Variants in SYNE3 observed in about 807,000 individuals in gnomAD.
SYNE3 encodes spectrin repeat containing nuclear envelope family member 3.
SYNE3 carries 100 observed loss-of-function variants against 111.2 expected under a neutral mutation model. The observed-to-expected ratio is 0.90, with a 90% confidence interval of 0.77 to 1.06. The LOEUF (loss-of-function observed/expected upper bound fraction) is 1.06, where lower values mean the gene tolerates loss of function less well. SYNE3 is among the 50% of genes least tolerant of loss of function. The pLI, the probability that SYNE3 is intolerant of heterozygous loss-of-function variation, is 0.00. For synonymous variants in SYNE3, 547 were observed against 533.9 expected (o/e 1.02, Z -0.34); for missense variants, 1,160 against 1,240.3 (o/e 0.94, Z 0.97).
chr14:95,468,644 C>T (rs1888340556), intron 2 of SYNE3, among the ~76,000 whole-genome samples: 1 of 152,202 alleles, frequency 6.6e-6, no homozygotes, highest in African/African-American at 2.4e-5. Flanking sequence ...CCTGACCCTG[C>T]TCCTTCCTCC....
intron 1 of SYNE3, among the ~76,000 whole-genome samples, chr14:95,477,882 G>A (rs1268123938): frequency 6.6e-6 from 1 of 152,206 alleles, no homozygotes; most frequent in Admixed American, 6.5e-5. Context: ...TGTGTGACTT[G>A]AATGGCTTCC....
chr14:95,482,731 C>T (rs1002844365), intron 1 of SYNE3, among the ~76,000 whole-genome samples: 4 of 152,084 alleles, frequency 2.6e-5, no homozygotes, highest in Non-Finnish European at 2.9e-5. Flanking sequence ...CAGTAAAAGC[C>T]GACATTTACC....
In SYNE3 at chr14:95,457,348, G is replaced by A. The variant is rs1887529216; in HGVS notation, c.628-10C>T. 1.2e-6 allele frequency: 2 copies of A among 1,612,262 alleles called. No homozygotes were observed. Among genetic ancestry groups the A allele is most frequent in the African/African-American group, 1.3e-5 (1 of 75,012 alleles). ...GCAGATCTACACGCTTCTGTGGGAGGAGGAGAATCACCAGCCATGAGGGTC... is the reference window on the plus strand; with the variant it reads ...GCAGATCTACACGCTTCTGTGGGAGAAGGAGAATCACCAGCCATGAGGGTC... On this transcript the variant is annotated splice_polypyrimidine_tract_variant and intron_variant, in intron 4 of 17. Coordinates refer to ENST00000682763, the MANE Select transcript of SYNE3 (RefSeq NM_152592.6).
rs113132378 is a variant in SYNE3 at position 95,449,641 on chromosome 14, A to T, written c.1449+290T>A. ...GCTGCAGTAAAGGCAATGGCCTGAG[A>T]ACGCTGCTCTCTCAGGAGTGCTAAT... On this transcript the variant is annotated intron_variant, in intron 8 of 17. Transcript: ENST00000682763. 2.4e-4 allele frequency: 238 copies of T among 985,412 alleles called. 3 individuals carry two copies. The African/African-American group carries it at 3.9e-3, about 16-fold the overall frequency. The allele number at this position is 985,412 out of a possible 1,614,324, so 61.0% of individuals were successfully genotyped here. A position where few individuals can be genotyped will look rare whatever the true frequency, so the allele number is the denominator to read the frequency against.
At chr14:95,442,206 T>C (rs528855549) in intron 11 of SYNE3, among the ~76,000 whole-genome samples, 1 of 152,322 alleles carries the variant, frequency 6.6e-6, no homozygotes, top group South Asian at 2.1e-4. Flanking sequence ...GAGGCCGTGA[T>C]GGTTGTGCCA....
At chr14:95,452,149 T>C in intron 7 of SYNE3, 98 bp downstream of exon 7, 1 of 1,373,294 alleles carries the variant, frequency 7.3e-7, no homozygotes, top group Non-Finnish European at 9.8e-7. Context: ...ATTTAGAAGT[T>C]ACTATGTTGT....
Position 95,465,962 on chromosome 14 carries a change from G to A in SYNE3, c.596C>T (p.Ala199Val). Residue 199 changes from alanine to valine, a missense_variant, in exon 4 of 18, where the codon GCT becomes GTT. Coordinates refer to ENST00000682763, the MANE Select transcript of SYNE3 (RefSeq NM_152592.6). The stretch of plus-strand genomic sequence containing the variant: ...CTTGGCCTTCACTGCATCGTACTCA[G>A]CCTTCATTCTCTTCTGGGCATCTTC... Reference protein sequence around the residue: ...VDEDAQKRMKAEYDAVKAKAQ... With the variant: ...VDEDAQKRMKVEYDAVKAKAQ... 2.5e-6 allele frequency: 4 copies of A among 1,595,350 alleles called. No individual in the cohort carries two copies. Among genetic ancestry groups the A allele is most frequent in the Non-Finnish European group, 3.4e-6 (4 of 1,164,802 alleles).
At position 95,444,608 on chromosome 14, in the gene SYNE3, T is replaced by C. The variant is rs1468329387; in HGVS notation, c.1653A>G (p.Lys551=). 2 of 1,606,662 alleles carry C rather than the reference T, an allele frequency of 1.2e-6. No individual in the cohort carries two copies. The highest frequency in any genetic ancestry group is 4.5e-5 in the East Asian group (2 of 44,626). The change falls in exon 10 of 18, where the codon AAA becomes AAG. Residue 551 remains lysine (K), a synonymous_variant. Transcript: ENST00000682763. The part of the protein sequence containing the change: ...SKLQSLLAQH[K]DFGAAFEPLQ... ...GGGGCTCAAAAGCTGCTCCAAAGTC[T>C]TTGTGCTGAGCGAGCAGGCTCTGCA...
Position 95,417,179 on chromosome 14 carries a change from C to T in SYNE3, c.*647G>A, listed in dbSNP as rs11847415. ...CTCTGCAGCTCTTCTTTTTCTCCCT[C>T]GATATCACTCTGTCACTTGTCACTG... On this transcript the variant is annotated 3_prime_UTR_variant, in exon 18 of 18. Transcript: ENST00000682763. 0.034 allele frequency: 5,321 copies of T among 157,970 alleles called. 261 individuals carry two copies. Among genetic ancestry groups the T allele is most frequent in the African/African-American group, 0.11 (4,667 of 41,590 alleles). 9.8% of individuals were successfully genotyped at this position (157,970 alleles called of 1,614,324 possible). A position where few individuals can be genotyped will look rare whatever the true frequency, so the allele number is the denominator to read the frequency against.
chr14:95,420,493 C>T (rs999749396), intron 17 of SYNE3, among the ~76,000 whole-genome samples: 12 of 152,272 alleles, frequency 7.9e-5, no homozygotes, highest in African/African-American at 2.9e-4. Context: ...AAGAGAGGGG[C>T]TGTGCCTTGG....
Position 95,461,821 on chromosome 14 carries a change from TC to T in SYNE3, c.627+4109del, listed in dbSNP as rs1220645452. Among the ~76,000 whole-genome samples the T allele has an allele frequency of 2.0e-5, 3 of 152,166 alleles. No homozygotes were observed. In the East Asian group the frequency reaches 5.8e-4, roughly 29 times the overall value. On this transcript the variant is annotated intron_variant, in intron 4 of 17. Coordinates refer to ENST00000682763, the MANE Select transcript of SYNE3 (RefSeq NM_152592.6). ...TGCAGGGGAGGTCTTCATCAAGCTTTCAGAGCAGGGACTGGGAGGCTGGGAC... is the reference window on the plus strand; with the variant it reads ...TGCAGGGGAGGTCTTCATCAAGCTTTAGAGCAGGGACTGGGAGGCTGGGAC...
chr14:95,421,842 G>T (rs141981270), intron 17 of SYNE3, among the ~76,000 whole-genome samples: 26 of 152,298 alleles, frequency 1.7e-4, no homozygotes, highest in Admixed American at 2.6e-4. Context: ...CTTTGCACAG[G>T]CTGTCCCGTG....
At chr14:95,471,538 G>A (rs888393925) in intron 2 of SYNE3, among the ~76,000 whole-genome samples, 5 of 152,200 alleles carry the variant, frequency 3.3e-5, no homozygotes, top group Non-Finnish European at 5.9e-5. Flanking sequence ...GAGAAGAAAC[G>A]TCTGCCCTGA....
In SYNE3 at chr14:95,415,643, A is replaced by G. The variant is rs1054024171; in HGVS notation, c.*2183T>C. On this transcript the variant is annotated 3_prime_UTR_variant, in exon 18 of 18. Transcript: ENST00000682763. Reference sequence around the variant, plus strand: ...CTACAGGGCTTGTTTTCCAAAGAAAAGTGTTGTTTGGAGGAGCATAATTAT... The same window carrying G: ...CTACAGGGCTTGTTTTCCAAAGAAAGGTGTTGTTTGGAGGAGCATAATTAT... The G allele has an allele frequency of 2.6e-5, 4 of 151,430 alleles. No individual in the cohort carries two copies. The highest frequency in any genetic ancestry group is 9.7e-5 in the African/African-American group (4 of 41,074). 9.4% of individuals were successfully genotyped at this position (151,430 alleles called of 1,614,324 possible).
chr14:95,481,664 G>A (rs1187387692), intron 1 of SYNE3, among the ~76,000 whole-genome samples: 6 of 152,204 alleles, frequency 3.9e-5, no homozygotes, highest in African/African-American at 7.2e-5. Context: ...CCCGCAGGGG[G>A]TCAGCTCTCC....
At chr14:95,425,610 A>G (rs975380699) in intron 17 of SYNE3, among the ~76,000 whole-genome samples, 14 of 152,224 alleles carry the variant, frequency 9.2e-5, no homozygotes, top group Admixed American at 8.5e-4. Flanking sequence ...GTTAATAACA[A>G]TGTATCAACT....
chr14:95,499,257 C>G (rs771743115), intron 1 of SYNE3, among the ~76,000 whole-genome samples: 3 of 152,228 alleles, frequency 2.0e-5, no homozygotes, highest in Non-Finnish European at 2.9e-5. Context: ...TCTAACGGCT[C>G]AGGGTCAAAG....
rs1595161991 is a variant in SYNE3, at chr14:95,410,862, C to A, written c.*6964G>T. ...GGAGCACTGAACGCTCCAGGGCTGA[C>A]TTCCCTCCTTACCAATAGGTGGGGG... On this transcript the variant is annotated 3_prime_UTR_variant, in exon 18 of 18. Coordinates refer to ENST00000682763, the MANE Select transcript of SYNE3 (RefSeq NM_152592.6). 1 of 152,260 alleles carries A rather than the reference C, an allele frequency of 6.6e-6. No individual in the cohort carries two copies. Among genetic ancestry groups the A allele is most frequent in the East Asian group, 1.9e-4 (1 of 5,202 alleles). The allele number at this position is 152,260 out of a possible 1,614,324, so 9.4% of individuals were successfully genotyped here.
At chr14:95,430,390 C>G (rs1885690194) in intron 17 of SYNE3, among the ~76,000 whole-genome samples, 1 of 152,134 alleles carries the variant, frequency 6.6e-6, no homozygotes, top group Non-Finnish European at 1.5e-5. Flanking sequence ...TTCCCTTTCT[C>G]ATGAGAAGTG....
Sources: gnomAD v4.1 joint callset for allele counts (sites outside exome capture counted in the v4.1 genomes callset) on GRCh38, gnomAD v4.1.1 for gene constraint, MANE v1.5 for transcripts, NCBI Gene and HGNC (gene_info 2026-07-23, HGNC 2026-07-21) for gene names.